The following RNFT2 variants were observed in gnomAD, a reference collection of about 807,000 sequenced individuals.
RNFT2 encodes the protein E3 ubiquitin-protein ligase RNFT2.
A neutral mutation model predicts 53.0 loss-of-function variants in RNFT2; 36 were observed. The observed-to-expected ratio is 0.68, with a 90% CI of 0.52 to 0.90. RNFT2 has a LOEUF of 0.90. Ranked by LOEUF, RNFT2 falls within the 40% of genes least tolerant of loss-of-function variation. The pLI is 0.00. For missense variants in RNFT2, 514 were observed against 585.6 expected, an observed-to-expected ratio of 0.88 and a Z score of 1.26; for synonymous variants, 260 against 253.2, an observed-to-expected ratio of 1.03 and a Z score of -0.26.
At chr12:116,789,960 G>GTGGGTGGATGGA (rs1555261850) in intron 7 of RNFT2, among the ~76,000 whole-genome samples, 65 of 146,278 alleles carry the variant, frequency 4.4e-4, no homozygotes, top group African/African-American at 1.4e-3. Flanking sequence ...GGATGGGTGG[G>GTGGGTGGATGGA]TGGATGGATG....
At chr12:116,765,519 C>T (rs1872870167) in intron 5 of RNFT2, among the ~76,000 whole-genome samples, 1 of 152,096 alleles carries the variant, frequency 6.6e-6, no homozygotes, top group Non-Finnish European at 1.5e-5. Context: ...CTTATTCCAG[C>T]AATGCAGCCA....
At chr12:116,783,433 G>T (rs1873796616) in intron 7 of RNFT2, among the ~76,000 whole-genome samples, 1 of 152,224 alleles carries the variant, frequency 6.6e-6, no homozygotes, top group Non-Finnish European at 1.5e-5. Flanking sequence ...GGCCAGTGAA[G>T]GTCTGAGAGC....
chr12:116,741,025 T>C lies in RNFT2; in HGVS notation c.25-11T>C, dbSNP rs768157271. ...TGGGAGACTCTGGCTCACCCATGTG[T>C]TGGGTTTTAGGTGTTAAGGAAGATG... On this transcript the variant is annotated splice_polypyrimidine_tract_variant and intron_variant, in intron 2 of 10. Transcript: ENST00000257575. 2 of 1,607,138 alleles carry C rather than the reference T, an allele frequency of 1.2e-6. No homozygotes were observed. Among genetic ancestry groups the C allele is most frequent in the Non-Finnish European group, 1.7e-6 (2 of 1,175,992 alleles).
intron 10 of RNFT2, 53 bp downstream of exon 10, chr12:116,836,335 A>G: frequency 6.9e-7 from 1 of 1,448,758 alleles, no homozygotes; most frequent in Non-Finnish European, 9.5e-7. Flanking sequence ...GGAGAGTAGG[A>G]CCCTTCCCCA....
intron 6 of RNFT2, among the ~76,000 whole-genome samples, chr12:116,771,294 T>C (rs919481364): frequency 1.3e-5 from 2 of 151,414 alleles, no homozygotes; most frequent in African/African-American, 4.9e-5. Context: ...ACTCCATCTC[T>C]ACAAAAAATA....
In RNFT2 at chr12:116,773,051, T is replaced by C. The variant is rs1417788031; in HGVS notation, c.728+6137T>C. Among the ~76,000 whole-genome samples the C allele has an allele frequency of 2.6e-5, 4 of 152,084 alleles. No individual in the cohort carries two copies. The East Asian group carries it at 7.7e-4, about 29-fold the overall frequency. On this transcript the variant is annotated intron_variant, in intron 6 of 10. Transcript: ENST00000257575. The stretch of plus-strand genomic sequence containing the variant: ...ACCAAGTTGGCCAGGATGGTCTCGA[T>C]CTCTTGACCTTGTGATCCACCTGCC...
At chr12:116,771,238 T>A (rs1270296950) in intron 6 of RNFT2, among the ~76,000 whole-genome samples, 4 of 151,866 alleles carry the variant, frequency 2.6e-5, no homozygotes, top group African/African-American at 9.7e-5. Flanking sequence ...GATGGGCAGA[T>A]CACTTGAGCC....
intron 3 of RNFT2, among the ~76,000 whole-genome samples, chr12:116,746,031 G>T (rs1335699644): frequency 6.6e-6 from 1 of 152,160 alleles, no homozygotes; most frequent in Non-Finnish European, 1.5e-5. Flanking sequence ...GAGCTCCGGA[G>T]TTCGAGACCA....
At position 116,809,377 on chromosome 12, in the gene RNFT2, C is replaced by T. The variant is rs7953141; in HGVS notation, c.883-24415C>T. 8.8e-3 allele frequency among the ~76,000 whole-genome samples: 1,340 copies of T among 152,262 alleles called. 21 individuals carry two copies. The highest frequency in any genetic ancestry group is 0.031 in the African/African-American group (1,283 of 41,536). On this transcript the variant is annotated intron_variant, in intron 7 of 10. Coordinates refer to ENST00000257575, the MANE Select transcript of RNFT2 (RefSeq NM_001382266.1). Reference sequence around the variant, plus strand: ...CTTCGTTGTGAGGTTTCGGCAACTCCTTCATGTGGCCTGGGGGGTCCAGCG... The same window carrying T: ...CTTCGTTGTGAGGTTTCGGCAACTCTTTCATGTGGCCTGGGGGGTCCAGCG...
intron 5 of RNFT2, 47 bp from the exon 6 acceptor site, chr12:116,766,767 C>A: frequency 7.0e-7 from 1 of 1,419,760 alleles, no homozygotes; most frequent in Non-Finnish European, 9.7e-7. Context: ...CTGGAAGGTT[C>A]TGCCACATGC....
At position 116,827,205 on chromosome 12, in the gene RNFT2, G is replaced by C. The variant is rs141048998; in HGVS notation, c.883-6587G>C. 2.4e-3 allele frequency among the ~76,000 whole-genome samples: 361 copies of C among 147,824 alleles called. 2 individuals are homozygous for C. Among genetic ancestry groups the C allele is most frequent in the African/African-American group, 8.5e-3 (335 of 39,268 alleles). ...ACTGCACTCCAGCCTAGGCAACAGG[G>C]TGAGACTCCATCTCAAAAAAAAAAA... On this transcript the variant is annotated intron_variant, in intron 7 of 10. Coordinates refer to ENST00000257575, the MANE Select transcript of RNFT2 (RefSeq NM_001382266.1).
intron 7 of RNFT2, among the ~76,000 whole-genome samples, chr12:116,787,733 A>G (rs1267828545): frequency 7.1e-6 from 1 of 141,336 alleles, no homozygotes; most frequent in Admixed American, 7.1e-5. Flanking sequence ...AAAAAAAAAA[A>G]GATATAATGT....
chr12:116,832,146 A>ATAT (rs59112507), intron 7 of RNFT2, among the ~76,000 whole-genome samples: 16,730 of 68,682 alleles, frequency 0.24, 1,822 homozygotes, highest in East Asian at 0.34. Context: ...AAAAAAAAAA[A>ATAT]AAATATATAT....
At chr12:116,821,470 C>T (rs1247473911) in intron 7 of RNFT2, among the ~76,000 whole-genome samples, 6 of 152,198 alleles carry the variant, frequency 3.9e-5, no homozygotes, top group Admixed American at 3.3e-4. Context: ...CACAACCCCA[C>T]CATCCTAACA....
At chr12:116,795,652 G>A (rs1027647458) in intron 7 of RNFT2, among the ~76,000 whole-genome samples, 1 of 152,150 alleles carries the variant, frequency 6.6e-6, no homozygotes, top group Non-Finnish European at 1.5e-5. Flanking sequence ...AGAAAACGCT[G>A]TTCTAGAATG....
At chr12:116,784,473 T>A (rs1873845717) in intron 7 of RNFT2, among the ~76,000 whole-genome samples, 1 of 152,160 alleles carries the variant, frequency 6.6e-6, no homozygotes, top group Non-Finnish European at 1.5e-5. Context: ...GGAGGCAATG[T>A]CAGCTGGTAC....
intron 6 of RNFT2, among the ~76,000 whole-genome samples, chr12:116,777,984 G>A (rs951973559): frequency 6.6e-6 from 1 of 152,192 alleles, no homozygotes; most frequent in African/African-American, 2.4e-5. Context: ...GGACAGTCGT[G>A]AGGATTAGTG....
intron 3 of RNFT2, among the ~76,000 whole-genome samples, chr12:116,742,737 G>A (rs1472886673): frequency 6.6e-6 from 1 of 152,106 alleles, no homozygotes; most frequent in Non-Finnish European, 1.5e-5. Context: ...GAGTCCAGGA[G>A]TTAGTTGGAG....
At chr12:116,784,675 G>A (rs537928242) in intron 7 of RNFT2, among the ~76,000 whole-genome samples, 67 of 152,234 alleles carry the variant, frequency 4.4e-4, no homozygotes, top group Middle Eastern at 3.4e-3. Context: ...CAATAACCTG[G>A]AAAGGACCTC....
Sources: gnomAD v4.1 joint callset for allele counts (sites outside exome capture counted in the v4.1 genomes callset) on GRCh38, gnomAD v4.1.1 for gene constraint, MANE v1.5 for transcripts, NCBI Gene and HGNC (gene_info 2026-07-23, HGNC 2026-07-21) for gene names.